TAB2: variants seen among roughly 807,000 people sequenced by gnomAD.
TAB2 encodes TGF-beta activated kinase 1 (MAP3K7) binding protein 2, also known as TGF-beta-activated kinase 1 and MAP3K7-binding protein 2.
Under a neutral mutation model 65.0 loss-of-function variants are expected in TAB2, and 3 were observed. The ratio of observed to expected loss-of-function variants is 0.05; its 90% confidence interval spans 0.02 to 0.12. The LOEUF (loss-of-function observed/expected upper bound fraction) is 0.12. Among genes scored for constraint, TAB2 ranks in the 10% least tolerant of loss-of-function variants. TAB2 has a pLI of 1.00. For synonymous variants in TAB2, 298 were observed against 285.1 expected (o/e 1.05, Z -0.46); for missense variants, 623 against 840.3 (o/e 0.74, Z 3.20).
chr6:149,352,814 A>G (rs1339402703), intron 1 of TAB2, among the ~76,000 whole-genome samples: 3 of 152,218 alleles, frequency 2.0e-5, no homozygotes, highest in African/African-American at 7.2e-5. Context: ...ACTTTGATTC[A>G]GTAGGTCCAG....
chr6:149,299,207 A>C (rs1314464758), intron 1 of TAB2, among the ~76,000 whole-genome samples: 1 of 152,210 alleles, frequency 6.6e-6, no homozygotes, highest in African/African-American at 2.4e-5. Flanking sequence ...TGAAATGTTT[A>C]ATTCTGGTCA....
chr6:149,270,554 A>C (rs1013272899), intron 1 of TAB2, among the ~76,000 whole-genome samples: 1 of 152,224 alleles, frequency 6.6e-6, no homozygotes, highest in Non-Finnish European at 1.5e-5. Context: ...GGTCATGAAC[A>C]TGTTAATTAG....
intron 1 of TAB2, among the ~76,000 whole-genome samples, chr6:149,279,624 C>T (rs76155655): frequency 0.014 from 2,066 of 152,196 alleles, 41 homozygotes; most frequent in African/African-American, 0.047. Context: ...ATATCTGGCC[C>T]GAAATATCTC....
chr6:149,275,153 T>A (rs1583059735), intron 1 of TAB2, among the ~76,000 whole-genome samples: 1 of 133,392 alleles, frequency 7.5e-6, no homozygotes, highest in African/African-American at 2.9e-5. Context: ...TGAGTTGGAG[T>A]CTTGCTCTAT....
chr6:149,368,645 T>TG (rs1781117780), intron 1 of TAB2, among the ~76,000 whole-genome samples: 4 of 147,496 alleles, frequency 2.7e-5, no homozygotes. Flanking sequence ...ATGCGAAAAT[T>TG]TGTGTGTGTG....
intron 1 of TAB2, among the ~76,000 whole-genome samples, chr6:149,338,996 G>A (rs970791648): frequency 3.3e-5 from 5 of 152,220 alleles, no homozygotes; most frequent in East Asian, 1.9e-4. Context: ...CAAGCAGTCC[G>A]TGCTGTTTCT....
At chr6:149,279,160 C>T (rs552657808) in intron 1 of TAB2, among the ~76,000 whole-genome samples, 15 of 152,316 alleles carry the variant, frequency 9.8e-5, no homozygotes, top group African/African-American at 3.6e-4. Flanking sequence ...CCCCTACAAC[C>T]TCATTGCCAA....
intron 1 of TAB2, among the ~76,000 whole-genome samples, chr6:149,273,698 C>T (rs1033653918): frequency 6.6e-6 from 1 of 152,322 alleles, no homozygotes; most frequent in African/African-American, 2.4e-5. Flanking sequence ...GCAAAAGAAG[C>T]TGTAACAACC....
intron 3 of TAB2, among the ~76,000 whole-genome samples, chr6:149,394,091 G>C (rs560154030): frequency 1.7e-4 from 26 of 151,684 alleles, no homozygotes; most frequent in Non-Finnish European, 2.8e-4. Context: ...GACTGATACT[G>C]TTCTGCAACT....
At chr6:149,388,196 A>G (rs1401192246) in intron 3 of TAB2, among the ~76,000 whole-genome samples, 2 of 152,070 alleles carry the variant, frequency 1.3e-5, no homozygotes, top group Non-Finnish European at 2.9e-5. Flanking sequence ...GTTCTCCATC[A>G]CCCTCACCAA....
Position 149,280,834 on chromosome 6 carries a change from AG to A in TAB2, c.-121+62060del, listed in dbSNP as rs372725258. Among the ~76,000 whole-genome samples the A allele has an allele frequency of 2.0e-4, 30 of 151,176 alleles. 1 individual carries two copies. In the East Asian group the frequency reaches 4.1e-3, roughly 21 times the overall value. ...GCAGTCCCAGCTACTTGAGAAGCTG[AG>A]GCAGGAGGATTGCTTGAGCTCAGGA... On this transcript the variant is annotated intron_variant, in intron 1 of 1. Coordinates refer to the TAB2 transcript ENST00000606202.
chr6:149,381,608 CT>C (rs1781612741), intron 3 of TAB2, among the ~76,000 whole-genome samples: 1 of 122,498 alleles, frequency 8.2e-6, no homozygotes, highest in Non-Finnish European at 1.6e-5. Flanking sequence ...GGGTCTCGCT[CT>C]TTCGTCCAAA....
At chr6:149,372,036 T>C (rs1019488524) in intron 2 of TAB2, among the ~76,000 whole-genome samples, 1 of 152,218 alleles carries the variant, frequency 6.6e-6, no homozygotes, top group African/African-American at 2.4e-5. Context: ...AAAGATACTG[T>C]AAGTTCTTTG....
Position 149,244,882 on chromosome 6 carries a change from C to CA in TAB2, c.-121+26119dup, listed in dbSNP as rs113599251. Reference sequence around the variant, plus strand: ...CTGGGGACTGCAGGAGACTTCATCTCAAAAAAAAAAAAACAACAAGATATG... The same window carrying CA: ...CTGGGGACTGCAGGAGACTTCATCTCAAAAAAAAAAAAAACAACAAGATATG... On this transcript the variant is annotated intron_variant, in intron 1 of 1. Coordinates refer to the TAB2 transcript ENST00000606202. 3.3e-3 allele frequency: 432 copies of CA among 132,342 alleles called. 3 individuals are homozygous for CA. Among genetic ancestry groups the CA allele is most frequent in the East Asian group, 0.017 (72 of 4,360 alleles). 8.2% of individuals were successfully genotyped at this position (132,342 alleles called of 1,614,324 possible).
chr6:149,318,470 G>T (rs1779330588), intron 1 of TAB2: 1 of 138,594 alleles, frequency 7.2e-6, no homozygotes, highest in South Asian at 2.5e-4. Context: ...CAGGGGCGGG[G>T]GTTTTGGGGA....
chr6:149,348,892 G>A (rs895619039), intron 1 of TAB2, among the ~76,000 whole-genome samples: 23 of 151,672 alleles, frequency 1.5e-4, no homozygotes, highest in African/African-American at 4.4e-4. Flanking sequence ...GCTTCAATCC[G>A]GGAGGCGGAG....
At chr6:149,394,295 CCT>C (rs965775070) in intron 3 of TAB2, among the ~76,000 whole-genome samples, 14 of 152,084 alleles carry the variant, frequency 9.2e-5, no homozygotes, top group Non-Finnish European at 2.1e-4. Flanking sequence ...ATGATTTCCA[CCT>C]CTCTCCTCAA....
intron 1 of TAB2, among the ~76,000 whole-genome samples, chr6:149,351,556 C>T (rs538869065): frequency 5.0e-4 from 76 of 152,278 alleles, no homozygotes; most frequent in African/African-American, 1.4e-3. Flanking sequence ...TGTGTACTTA[C>T]TATGTGCTCT....
At chr6:149,387,462 G>T (rs925589285) in intron 3 of TAB2, among the ~76,000 whole-genome samples, 1 of 152,038 alleles carries the variant, frequency 6.6e-6, no homozygotes, top group Non-Finnish European at 1.5e-5. Flanking sequence ...CTTTTCCATT[G>T]TTCTATATGT....
Sources: allele counts gnomAD v4.1 joint callset (sites outside exome capture counted in the v4.1 genomes callset), GRCh38; gene constraint gnomAD v4.1.1; transcripts MANE v1.5; gene names NCBI Gene and HGNC (gene_info 2026-07-23, HGNC 2026-07-21).